LRSAM1: variants seen among roughly 807,000 people sequenced by gnomAD.
The protein encoded by LRSAM1 is E3 ubiquitin-protein ligase LRSAM1.
LRSAM1 carries 96 observed loss-of-function variants against 118.1 expected under a neutral mutation model. That is an observed-to-expected ratio of 0.81 (90% CI 0.69 to 0.96). The LOEUF is 0.96. Among genes scored for constraint, LRSAM1 ranks in the 40% least tolerant of loss-of-function variants. The probability of loss-of-function intolerance (pLI) is 0.00; values close to 1 mark genes in which losing one functional copy is unlikely to be tolerated. For synonymous variants in LRSAM1, 322 were observed against 364.2 expected (o/e 0.88, Z 1.32); for missense variants, 804 against 915.5 (o/e 0.88, Z 1.57).
chr9:127,481,567 G>A lies in LRSAM1; in HGVS notation c.1088+340G>A, dbSNP rs2246600. On this transcript the variant is annotated intron_variant, in intron 15 of 25. Coordinates refer to ENST00000300417, the MANE Select transcript of LRSAM1 (RefSeq NM_001005373.4). ...CCGGCCAAGGAGAGCAGCTTTGAGG[G>A]GAGAATGTCTTGTGATTCTCCAGAG... is the stretch of plus-strand genomic sequence containing the variant. 0.43 allele frequency among the ~76,000 whole-genome samples: 65,908 copies of A among 151,814 alleles called. 15,103 individuals carry two copies. The highest frequency in any genetic ancestry group is 0.5 in the Non-Finnish European group (33,845 of 67,940).
At chr9:127,459,577 T>G (rs912187890) in intron 7 of LRSAM1, among the ~76,000 whole-genome samples, 1 of 149,266 alleles carries the variant, frequency 6.7e-6, no homozygotes, top group Non-Finnish European at 1.5e-5. Flanking sequence ...GTATGTGTAT[T>G]TTTTTTTTCT....
intron 11 of LRSAM1, among the ~76,000 whole-genome samples, chr9:127,475,607 A>G (rs1835324007): frequency 6.6e-6 from 1 of 152,244 alleles, no homozygotes; most frequent in Non-Finnish European, 1.5e-5. Flanking sequence ...AGATTGGCAC[A>G]CATTTTGACA....
rs1834340730 is a variant in LRSAM1, at chr9:127,451,977, GGGTGGTCTGC to G, written c.-137_-128del. 1.3e-5 allele frequency: 2 copies of G among 152,296 alleles called. No individual in the cohort carries two copies. Among genetic ancestry groups the G allele is most frequent in the African/African-American group, 4.8e-5 (2 of 41,464 alleles). The allele number at this position is 152,296 out of a possible 1,614,324, so 9.4% of individuals were successfully genotyped here. ...ACTCCGGCTCCGCCCGGCCCGTGCC[GGGTGGTCTGC>G]GGCCCCGAGTCCGTGACCAAGCCCT... On this transcript the variant is annotated 5_prime_UTR_variant, in exon 2 of 26. Coordinates refer to ENST00000300417, the MANE Select transcript of LRSAM1 (RefSeq NM_001005373.4).
intron 21 of LRSAM1, among the ~76,000 whole-genome samples, chr9:127,494,069 C>A (rs1180207102): frequency 2.0e-5 from 3 of 152,248 alleles, no homozygotes; most frequent in African/African-American, 7.2e-5. Context: ...TGGCGCTGTG[C>A]CTTAGCAGCC....
intron 6 of LRSAM1, among the ~76,000 whole-genome samples, chr9:127,458,401 A>C (rs145845374): frequency 0.015 from 2,225 of 150,918 alleles, 86 homozygotes; most frequent in Non-Finnish European, 0.022. Flanking sequence ...AAACAAAACA[A>C]AACAAAACAA....
At chr9:127,489,302 G>C (rs955527555) in intron 18 of LRSAM1, 142 bp from the exon 19 acceptor site, 22 of 972,512 alleles carry the variant, frequency 2.3e-5, no homozygotes, top group Non-Finnish European at 3.1e-5. Context: ...GTTTACACAA[G>C]TGAGGTGAAA....
chr9:127,487,948 T>A (rs192455421), intron 18 of LRSAM1, among the ~76,000 whole-genome samples, 185 bp downstream of exon 18: 52 of 152,122 alleles, frequency 3.4e-4, no homozygotes, highest in African/African-American at 1.2e-3. Flanking sequence ...GCCCGGGGGA[T>A]GGTCTTCTGG....
rs547729875 is a variant in LRSAM1 at position 127,464,451 on chromosome 9, A to G, written c.528+2078A>G. Among the ~76,000 whole-genome samples the G allele has an allele frequency of 4.6e-5, 7 of 152,184 alleles. No homozygotes were observed. The South Asian group carries it at 1.5e-3, about 32-fold the overall frequency. On this transcript the variant is annotated intron_variant, in intron 9 of 25. Coordinates refer to ENST00000300417, the MANE Select transcript of LRSAM1 (RefSeq NM_001005373.4). ...CTGTCCAGAGCGGCAGCCGCTGGCC[A>G]TATGTATCTATGGAGCACCTGGAAT...
rs759626530 is a variant in LRSAM1 at position 127,487,791 on chromosome 9, G to A, written c.1347+28G>A. 8 of 1,599,352 alleles carry A rather than the reference G, an allele frequency of 5.0e-6. No individual in the cohort carries two copies. In the African/African-American group the frequency reaches 8.0e-5, roughly 16 times the overall value. On this transcript the variant is annotated intron_variant, in intron 18 of 25. Coordinates refer to ENST00000300417, the MANE Select transcript of LRSAM1 (RefSeq NM_001005373.4). ...GAGCCCTCGCCCAGAGCCTGAGGGT[G>A]GGAGCTCAGGAGGGAGGTTCAGGAG...
chr9:127,452,961 CCAAGCAGTCGGGCAAAT>C (rs1295240655), intron 2 of LRSAM1, among the ~76,000 whole-genome samples: 2 of 152,216 alleles, frequency 1.3e-5, no homozygotes, highest in African/African-American at 4.8e-5. Flanking sequence ...TATGTGAGCA[CCAAGCAGTCGGGCAAAT>C]CCCATAGGTC....
intron 10 of LRSAM1, among the ~76,000 whole-genome samples, chr9:127,471,586 A>C (rs575713778): frequency 2.7e-5 from 4 of 150,804 alleles, no homozygotes; most frequent in African/African-American, 9.7e-5. Flanking sequence ...CGGGAGTTCG[A>C]GACCAGCCTG....
intron 22 of LRSAM1, 63 bp downstream of exon 22, chr9:127,495,481 G>C: frequency 8.2e-6 from 11 of 1,341,300 alleles, no homozygotes; most frequent in Non-Finnish European, 1.1e-5. Context: ...AGAGGCGCCT[G>C]TGGTGCCTCC....
Position 127,496,042 on chromosome 9 carries a change from C to T in LRSAM1, c.1777C>T (p.His593Tyr). 6.2e-7 allele frequency: 1 copy of T among 1,612,370 alleles called. No individual in the cohort carries two copies. The highest frequency in any genetic ancestry group is 8.5e-7 in the Non-Finnish European group (1 of 1,180,016). The change falls in exon 23 of 26, where the codon CAC becomes TAC. Residue 593 changes from histidine (H) to tyrosine (Y), a missense_variant. Transcript: ENST00000300417. The stretch of plus-strand genomic sequence containing the variant: ...GCACTACCTGCCCATCTTTGCGCAC[C>T]ACCGCCTCTCACTGGACCTGCTGAG... ...AEHYLPIFAH[H>Y]RLSLDLLSQM...
At chr9:127,466,297 A>T (rs1019658419) in intron 9 of LRSAM1, among the ~76,000 whole-genome samples, 3 of 151,654 alleles carry the variant, frequency 2.0e-5, no homozygotes, top group African/African-American at 7.3e-5. Context: ...ACACAGCAAG[A>T]CTCTGTCTCA....
At chr9:127,501,182 T>C in intron 25 of LRSAM1, 39 bp downstream of exon 25, 3 of 1,607,032 alleles carry the variant, frequency 1.9e-6, no homozygotes, top group Non-Finnish European at 2.5e-6. Flanking sequence ...GCCCTGCCTG[T>C]GGCCACCCTC....
chr9:127,482,855 C>A, intron 15 of LRSAM1, 95 bp from the exon 16 acceptor site: 2 of 1,242,136 alleles, frequency 1.6e-6, no homozygotes, highest in Non-Finnish European at 2.3e-6. Context: ...GTTGCCAAAT[C>A]AAGGAGGCCT....
rs575353247 is a variant in LRSAM1, at chr9:127,482,097, GA to G, written c.1089-848del. Among the ~76,000 whole-genome samples the G allele has an allele frequency of 4.6e-5, 7 of 151,276 alleles. No individual in the cohort carries two copies. The South Asian group carries it at 1.5e-3, about 32-fold the overall frequency. The stretch of plus-strand genomic sequence containing the variant: ...GGGAAAACATAACATATTGCTAATG[GA>G]AAAAGTGACAGGCTATATTTATAGC... On this transcript the variant is annotated intron_variant, in intron 15 of 25. Coordinates refer to ENST00000300417, the MANE Select transcript of LRSAM1 (RefSeq NM_001005373.4).
In LRSAM1 at chr9:127,462,275, G is replaced by C. The variant is rs535476934; in HGVS notation, c.430G>C (p.Asp144His). ...AGACAACAAGCTGAAGGAGCTTCCA[G>C]ACACCGTGGGGGAGCTTCGAAGCCT... ...VKDNKLKELP[D>H]TVGELRSLRT... The change falls in exon 9 of 26, where the codon GAC becomes CAC. Residue 144 changes from aspartate to histidine, a missense_variant. Physicochemically the swap from Asp to His is moderately conservative, Grantham distance 81. Coordinates refer to ENST00000300417, the MANE Select transcript of LRSAM1 (RefSeq NM_001005373.4). 3 of 1,614,098 alleles carry C rather than the reference G, an allele frequency of 1.9e-6. No individual in the cohort carries two copies. In the East Asian group the frequency reaches 6.7e-5, roughly 36 times the overall value.
chr9:127,498,801 G>A (rs1246598740), intron 24 of LRSAM1, among the ~76,000 whole-genome samples: 1 of 152,154 alleles, frequency 6.6e-6, no homozygotes, highest in Non-Finnish European at 1.5e-5. Context: ...GCTCACACCT[G>A]TAATCCCAGC....
Sources: allele counts gnomAD v4.1 joint callset (sites outside exome capture counted in the v4.1 genomes callset), GRCh38; gene constraint gnomAD v4.1.1; transcripts MANE v1.5; gene names NCBI Gene and HGNC (gene_info 2026-07-23, HGNC 2026-07-21).